Variants in MAGI2 observed in about 807,000 individuals in gnomAD.
The protein encoded by MAGI2 is membrane-associated guanylate kinase, WW and PDZ domain-containing protein 2.
A neutral mutation model predicts 133.3 loss-of-function variants in MAGI2; 35 were observed. The ratio of observed to expected loss-of-function variants is 0.26; its 90% CI spans 0.20 to 0.35. MAGI2 has a LOEUF of 0.35. Ranked by LOEUF, MAGI2 falls within the 10% of genes least tolerant of loss-of-function variation. The pLI is 1.00. For synonymous variants in MAGI2, 729 were observed against 710.6 expected, an observed-to-expected ratio of 1.03 and a Z score of -0.41; for missense variants, 1,636 against 1,863.4, an observed-to-expected ratio of 0.88 and a Z score of 2.25.
chr7:78,781,889 A>C (rs1826430278), intron 2 of MAGI2, among the ~76,000 whole-genome samples: 2 of 152,192 alleles, frequency 1.3e-5, no homozygotes, highest in Non-Finnish European at 1.5e-5. Flanking sequence ...TGAAATCTTT[A>C]AGAACAAAAT....
chr7:79,379,011 G>T (rs1044012842), intron 1 of MAGI2, among the ~76,000 whole-genome samples: 2 of 140,314 alleles, frequency 1.4e-5, no homozygotes, highest in African/African-American at 2.6e-5. Context: ...TGCACAACAC[G>T]CAGGTTTGTT....
intron 21 of MAGI2, among the ~76,000 whole-genome samples, chr7:78,039,247 A>G (rs577497529): frequency 3.5e-4 from 53 of 152,336 alleles, no homozygotes; most frequent in African/African-American, 1.1e-3. Context: ...AAAAATCTCA[A>G]TTCTCTAAAT....
chr7:79,240,848 A>G (rs1832343628), intron 1 of MAGI2, among the ~76,000 whole-genome samples: 2 of 151,992 alleles, frequency 1.3e-5, no homozygotes, highest in Non-Finnish European at 2.9e-5. Context: ...TGAATTCTCT[A>G]TATCTCTTCT....
intron 6 of MAGI2, among the ~76,000 whole-genome samples, chr7:78,450,279 T>C (rs1788587256): frequency 6.6e-6 from 1 of 151,816 alleles, no homozygotes; most frequent in African/African-American, 2.4e-5. Flanking sequence ...TGGGAATTCA[T>C]TAAAATGCAA....
intron 1 of MAGI2, among the ~76,000 whole-genome samples, chr7:79,310,162 C>CAAAAAAAAAAAAAAAAAAAA (rs71518921): frequency 6.1e-5 from 1 of 16,292 alleles, no homozygotes; most frequent in Non-Finnish European, 1.2e-4. Context: ...GAGTCCATCT[C>CAAAAAAAAAAAAAAAAAAAA]AAAAAAAAAA....
intron 20 of MAGI2, among the ~76,000 whole-genome samples, chr7:78,084,028 G>T (rs1188875793): frequency 1.3e-5 from 2 of 152,122 alleles, no homozygotes; most frequent in Admixed American, 1.3e-4. Flanking sequence ...AGCTCAAAGG[G>T]TTGCTTGGAC....
Position 78,017,437 on chromosome 7 carries a change from T to G in MAGI2, c.*1878A>C, listed in dbSNP as rs1807886708. ...TTTTCCTTTTGTAATACATGGAAAA[T>G]AAAGTCAGAGGATACAGTACCAGGA... is the stretch of plus-strand genomic sequence containing the variant. On this transcript the variant is annotated 3_prime_UTR_variant, in exon 22 of 22. Coordinates refer to ENST00000354212, the MANE Select transcript of MAGI2 (RefSeq NM_012301.4). 6.6e-6 allele frequency: 1 copy of G among 152,390 alleles called. No homozygotes were observed. Among genetic ancestry groups the G allele is most frequent in the Admixed American group, 6.6e-5 (1 of 15,262 alleles). The allele number at this position is 152,390 out of a possible 1,614,324, so 9.4% of individuals were successfully genotyped here.
intron 3 of MAGI2, among the ~76,000 whole-genome samples, chr7:78,578,603 T>C (rs1802512535): frequency 6.6e-6 from 1 of 152,110 alleles, no homozygotes; most frequent in African/African-American, 2.4e-5. Flanking sequence ...ATGGAGGATA[T>C]ATACAGAGAG....
chr7:78,447,910 C>A (rs1788322179), intron 6 of MAGI2, among the ~76,000 whole-genome samples: 1 of 152,068 alleles, frequency 6.6e-6, no homozygotes, highest in Non-Finnish European at 1.5e-5. Flanking sequence ...TCAATCTCTC[C>A]CTACATACCT....
intron 21 of MAGI2, chr7:78,065,759 T>C (rs1813741427): frequency 9.5e-6 from 5 of 526,512 alleles, no homozygotes; most frequent in Non-Finnish European, 1.7e-5. Context: ...GATTGCTTAG[T>C]ATGTTTAGAG....
intron 6 of MAGI2, among the ~76,000 whole-genome samples, chr7:78,473,093 A>G (rs972196916): frequency 6.6e-6 from 1 of 152,088 alleles, no homozygotes. Context: ...ATAACAATTG[A>G]CATCTGTGAA....
intron 9 of MAGI2, chr7:78,285,614 G>A (rs768711731): frequency 6.6e-6 from 1 of 152,104 alleles, no homozygotes; most frequent in South Asian, 2.1e-4. Flanking sequence ...GCCCATGGTC[G>A]CCAGAGTTCT....
chr7:79,136,011 A>AAGAAAGAAAG (rs1821428664), intron 1 of MAGI2, among the ~76,000 whole-genome samples: 1 of 131,152 alleles, frequency 7.6e-6, no homozygotes, highest in African/African-American at 3.5e-5. Flanking sequence ...AAGAGAAAGA[A>AAGAAAGAAAG]AGAAAGAAAG....
At chr7:78,037,410 T>C (rs1020878897) in intron 21 of MAGI2, among the ~76,000 whole-genome samples, 1 of 152,204 alleles carries the variant, frequency 6.6e-6, no homozygotes, top group Admixed American at 6.5e-5. Context: ...ATGAGACTAT[T>C]TGGAACCATC....
At chr7:78,678,950 C>T (rs1815348201) in intron 2 of MAGI2, among the ~76,000 whole-genome samples, 1 of 152,180 alleles carries the variant, frequency 6.6e-6, no homozygotes, top group South Asian at 2.1e-4. Context: ...CACCAAGTCA[C>T]TTATTCCAAG....
At chr7:78,934,033 C>T (rs1800334077) in intron 2 of MAGI2, among the ~76,000 whole-genome samples, 1 of 152,098 alleles carries the variant, frequency 6.6e-6, no homozygotes, top group Non-Finnish European at 1.5e-5. Flanking sequence ...TCTGTTGTTG[C>T]TGTTGTTTAA....
At chr7:78,912,718 T>TATATATATATCATTC (rs1036901543) in intron 2 of MAGI2, among the ~76,000 whole-genome samples, 1 of 147,376 alleles carries the variant, frequency 6.8e-6, no homozygotes, top group African/African-American at 2.5e-5. Flanking sequence ...CTCCCCTTTA[T>TATATATATATCATTC]ATATATATAT....
In MAGI2 at chr7:78,447,219, G is replaced by A. The variant is rs1424558377; in HGVS notation, c.1045+42542C>T. On this transcript the variant is annotated intron_variant, in intron 6 of 21. Coordinates refer to ENST00000354212, the MANE Select transcript of MAGI2 (RefSeq NM_012301.4). ...TTTAAAAACTTGACACACAATAATT[G>A]TAAATATTTATGGAGTACAGTGCAA... Among the ~76,000 whole-genome samples, 5 of 151,986 alleles carry A rather than the reference G, an allele frequency of 3.3e-5. No homozygotes were observed. In the East Asian group the frequency reaches 9.7e-4, roughly 29 times the overall value.
intron 1 of MAGI2, among the ~76,000 whole-genome samples, chr7:79,326,042 C>A (rs1305808947): frequency 6.6e-6 from 1 of 152,016 alleles, no homozygotes; most frequent in Non-Finnish European, 1.5e-5. Context: ...AAGAAATTAC[C>A]AAATGCACAA....
Sources: gnomAD v4.1 joint callset for allele counts (sites outside exome capture counted in the v4.1 genomes callset) on GRCh38, gnomAD v4.1.1 for gene constraint, MANE v1.5 for transcripts, NCBI Gene and HGNC (gene_info 2026-07-23, HGNC 2026-07-21) for gene names.